DPP6: variants seen among roughly 807,000 people sequenced by gnomAD.
DPP6 encodes dipeptidyl peptidase like 6.
A neutral mutation model predicts 122.6 loss-of-function variants in DPP6; 69 were observed. That is an observed-to-expected ratio of 0.56 (90% confidence interval 0.46 to 0.69). The LOEUF (loss-of-function observed/expected upper bound fraction) is 0.69. Ranked by LOEUF, DPP6 falls within the 30% of genes least tolerant of loss-of-function variation. DPP6 has a pLI of 0.00. For synonymous variants in DPP6, 418 were observed against 433.1 expected, an observed-to-expected ratio of 0.97 and a Z score of 0.43; for missense variants, 928 against 1,116.9, an observed-to-expected ratio of 0.83 and a Z score of 2.41.
chr7:154,764,146 C>A (rs1587068477), intron 8 of DPP6, among the ~76,000 whole-genome samples: 2 of 152,126 alleles, frequency 1.3e-5, no homozygotes, highest in South Asian at 2.1e-4. Flanking sequence ...GGAGAGCTGT[C>A]CTTTCCCGGG....
At chr7:153,962,506 G>A (rs1163174840) in intron 1 of DPP6, among the ~76,000 whole-genome samples, 1 of 152,130 alleles carries the variant, frequency 6.6e-6, no homozygotes, top group African/African-American at 2.4e-5. Context: ...TGTGATTTAT[G>A]TTGTCTACTC....
the DPP6 span, among the ~76,000 whole-genome samples, chr7:153,871,117 A>C: frequency 6.6e-6 from 1 of 152,214 alleles, no homozygotes; most frequent in African/African-American, 2.4e-5. Context: ...GTGAGGAGGC[A>C]GTCTGCCCAT....
At chr7:154,298,334 A>G (rs1185549750) in intron 1 of DPP6, among the ~76,000 whole-genome samples, 1 of 151,388 alleles carries the variant, frequency 6.6e-6, no homozygotes, top group Non-Finnish European at 1.5e-5. Context: ...TGTGCAGCCT[A>G]TTCATCTAGA....
Position 154,572,202 on chromosome 7 carries a change from G to C in DPP6, c.627+5286G>C, listed in dbSNP as rs562313777. ...GTGGTGAGTTGATAGAGCCCATTTT[G>C]CTCTCTAAGGGACTGTGAAATTTAT... is the stretch of plus-strand genomic sequence containing the variant. On this transcript the variant is annotated intron_variant, in intron 5 of 25. Transcript: ENST00000377770. 6.3e-4 allele frequency among the ~76,000 whole-genome samples: 96 copies of C among 152,208 alleles called. No homozygotes were observed. In the South Asian group the frequency reaches 9.3e-3, roughly 15 times the overall value.
chr7:154,325,776 T>C (rs1436771668), intron 1 of DPP6, among the ~76,000 whole-genome samples: 1 of 152,202 alleles, frequency 6.6e-6, no homozygotes, highest in Admixed American at 6.5e-5. Context: ...GGGAAGACAC[T>C]TATATTTTCT....
In DPP6 at chr7:154,659,225, AG is replaced by A. The variant is rs1837462740; in HGVS notation, c.681-10132del. On this transcript the variant is annotated intron_variant, in intron 6 of 25. Coordinates refer to ENST00000377770, the MANE Select transcript of DPP6 (RefSeq NM_130797.4). ...CTAAACCCAGTTTCCCACCTGACAC[AG>A]GGATTGAGCCCATTTGTTTTTGCTA... Among the ~76,000 whole-genome samples the A allele has an allele frequency of 2.0e-5, 3 of 152,354 alleles. No individual in the cohort carries two copies. In the South Asian group the frequency reaches 6.2e-4, roughly 32 times the overall value.
At chr7:153,984,716 G>T (rs1796757229) in intron 1 of DPP6, among the ~76,000 whole-genome samples, 1 of 152,144 alleles carries the variant, frequency 6.6e-6, no homozygotes, top group South Asian at 2.1e-4. Context: ...CCCCCATGAG[G>T]TTGTCATCAT....
intron 1 of DPP6, among the ~76,000 whole-genome samples, chr7:153,978,784 A>G (rs1796434816): frequency 1.3e-5 from 2 of 152,106 alleles, no homozygotes; most frequent in African/African-American, 2.4e-5. Flanking sequence ...AGTTTTCCCA[A>G]CACCATTTAT....
intron 1 of DPP6, among the ~76,000 whole-genome samples, chr7:154,004,723 A>C (rs1192956277): frequency 6.6e-6 from 1 of 151,970 alleles, no homozygotes; most frequent in Non-Finnish European, 1.5e-5. Context: ...CCACGTCCCT[A>C]TAACATTATG....
At chr7:153,942,253 A>G (rs1016535400) in intron 1 of DPP6, among the ~76,000 whole-genome samples, 2 of 152,224 alleles carry the variant, frequency 1.3e-5, no homozygotes, top group African/African-American at 2.4e-5. Flanking sequence ...GCCAATGGCC[A>G]TCCTTCCCAG....
At chr7:153,943,744 G>T (rs1243753097) in intron 1 of DPP6, among the ~76,000 whole-genome samples, 2 of 152,190 alleles carry the variant, frequency 1.3e-5, no homozygotes, top group African/African-American at 4.8e-5. Flanking sequence ...GTGTCTGCCA[G>T]CTTCAGTGTT....
rs1160027922 is a variant in DPP6, at chr7:154,755,583, C to T, written c.884-13834C>T. On this transcript the variant is annotated intron_variant, in intron 8 of 25. Transcript: ENST00000377770. This position sits in a 1 kb window ranked among gnomAD's most constrained non-coding sequence, Gnocchi z 4.7. The stretch of plus-strand genomic sequence containing the variant: ...GTTAACCCATCTACGCAGTTAGAGC[C>T]GGCTTGGCGTGTGCTGGGTGCTCAC... 3.9e-5 allele frequency among the ~76,000 whole-genome samples: 6 copies of T among 152,156 alleles called. No individual in the cohort carries two copies. The highest frequency in any genetic ancestry group is 2.1e-4 in the South Asian group (1 of 4,820).
chr7:154,369,266 T>C (rs552652729), intron 1 of DPP6, among the ~76,000 whole-genome samples: 1 of 151,766 alleles, frequency 6.6e-6, no homozygotes, highest in African/African-American at 2.4e-5. Flanking sequence ...AGCTAGTTTT[T>C]GTATTTTTAG....
intron 1 of DPP6, among the ~76,000 whole-genome samples, chr7:153,991,104 T>C (rs200887578): frequency 0.055 from 7,139 of 129,048 alleles, no homozygotes; most frequent in African/African-American, 0.088. Flanking sequence ...TGCTCCCTTA[T>C]GCCGTAAAGG....
chr7:154,351,590 G>A (rs1810862500), intron 1 of DPP6, among the ~76,000 whole-genome samples: 1 of 152,090 alleles, frequency 6.6e-6, no homozygotes, highest in Admixed American at 6.5e-5. Context: ...GCCACAGCCT[G>A]CATCTAGCAG....
At chr7:154,085,727 TTTTATTTA>T (rs755070185) in intron 1 of DPP6, among the ~76,000 whole-genome samples, 1 of 152,108 alleles carries the variant, frequency 6.6e-6, no homozygotes, top group Non-Finnish European at 1.5e-5. Flanking sequence ...TATTTTTTAT[TTTTATTTA>T]TTTATTTTTT....
intron 1 of DPP6, among the ~76,000 whole-genome samples, chr7:153,959,092 T>C (rs576516165): frequency 6.6e-6 from 1 of 152,202 alleles, no homozygotes; most frequent in South Asian, 2.1e-4. Flanking sequence ...GCCAAGAACC[T>C]GGCCTCCTCT....
intron 1 of DPP6, among the ~76,000 whole-genome samples, chr7:154,380,413 A>G (rs1430955735): frequency 6.6e-6 from 1 of 152,224 alleles, no homozygotes; most frequent in East Asian, 1.9e-4. Context: ...TTGTAGTAAA[A>G]TGCTAACATT....
intron 2 of DPP6, among the ~76,000 whole-genome samples, chr7:154,465,956 C>A (rs796741330): frequency 4.6e-5 from 7 of 152,196 alleles, no homozygotes; most frequent in African/African-American, 1.7e-4. Flanking sequence ...TGGAACCAAC[C>A]CAAATGCCCA....
Sources: gnomAD v4.1 joint callset for allele counts (sites outside exome capture counted in the v4.1 genomes callset) on GRCh38, gnomAD v4.1.1 for gene constraint, Gnocchi (gnomAD v3.1) non-coding constraint, MANE v1.5 for transcripts, NCBI Gene and HGNC (gene_info 2026-07-23, HGNC 2026-07-21) for gene names.